The following CDH13 variants were observed in gnomAD, a reference collection of about 807,000 sequenced individuals.
The protein encoded by CDH13 is cadherin-13.
Under a neutral mutation model 63.8 loss-of-function variants are expected in CDH13, and 24 were observed. That is an observed-to-expected ratio of 0.38 (90% CI 0.27 to 0.53). The LOEUF (loss-of-function observed/expected upper bound fraction) is 0.53, where lower values mean the gene tolerates loss of function less well. Among genes scored for constraint, CDH13 ranks in the 20% least tolerant of loss-of-function variants. CDH13 has a pLI of 0.85. For synonymous variants in CDH13, 503 were observed against 355.3 expected (o/e 1.42, Z -4.67); for missense variants, 1,049 against 903.1 (o/e 1.16, Z -2.07).
chr16:82,804,553 C>G (rs542637916), intron 1 of CDH13, among the ~76,000 whole-genome samples: 28 of 152,248 alleles, frequency 1.8e-4, no homozygotes, highest in African/African-American at 6.7e-4. Context: ...GATCCTAGTT[C>G]TCTTGTGTGA....
At chr16:82,821,753 T>C (rs2038011076) in intron 1 of CDH13, among the ~76,000 whole-genome samples, 1 of 152,148 alleles carries the variant, frequency 6.6e-6, no homozygotes, top group African/African-American at 2.4e-5. Context: ...CATTGAGGGC[T>C]CCCCTAAAAA....
At chr16:82,638,817 A>AGTGTGTGTGTGTGTGTGTGT (rs779050661) in intron 1 of CDH13, among the ~76,000 whole-genome samples, 3 of 52,544 alleles carry the variant, frequency 5.7e-5, no homozygotes, top group Admixed American at 1.8e-4. Flanking sequence ...TTATTAGGGC[A>AGTGTGTGTGTGTGTGTGTGT]GTGTGTGCGT....
Position 82,964,570 on chromosome 16 carries a change from G to A in CDH13, c.158-67440G>A, listed in dbSNP as rs188606367. Among the ~76,000 whole-genome samples the A allele has an allele frequency of 1.1e-3, 163 of 152,264 alleles. 1 individual carries two copies. The highest frequency in any genetic ancestry group is 3.7e-3 in the African/African-American group (155 of 41,560). ...TTCCATCCGCCACGTGGATTTAAGT[G>A]GGTGAGCTTTATCAACATCATTCTC... On this transcript the variant is annotated intron_variant, in intron 2 of 13. Transcript: ENST00000567109.
At chr16:83,432,875 G>A (rs1167716936) in intron 6 of CDH13, among the ~76,000 whole-genome samples, 2 of 152,202 alleles carry the variant, frequency 1.3e-5, no homozygotes, top group Non-Finnish European at 2.9e-5. Flanking sequence ...AGTGTTCAAA[G>A]AAAACTTGCA....
intron 2 of CDH13, among the ~76,000 whole-genome samples, chr16:83,017,127 A>T (rs1332393091): frequency 6.6e-6 from 1 of 152,172 alleles, no homozygotes; most frequent in African/African-American, 2.4e-5. Flanking sequence ...TCTTGACTAC[A>T]TTTAGGTGTT....
chr16:83,716,722 T>G (rs1410927099), intron 10 of CDH13, among the ~76,000 whole-genome samples: 1 of 152,130 alleles, frequency 6.6e-6, no homozygotes, highest in African/African-American at 2.4e-5. Flanking sequence ...GACCTCATGA[T>G]CCGCCCTCCT....
intron 2 of CDH13, among the ~76,000 whole-genome samples, chr16:82,988,879 G>C (rs1911301699): frequency 6.6e-6 from 1 of 152,074 alleles, no homozygotes; most frequent in Non-Finnish European, 1.5e-5. Flanking sequence ...GAAAGGCAAA[G>C]ACAGAGAGGA....
chr16:82,720,585 G>C (rs1005252635), intron 1 of CDH13, among the ~76,000 whole-genome samples: 3 of 152,118 alleles, frequency 2.0e-5, no homozygotes, highest in Middle Eastern at 3.4e-3. Context: ...TTTGGGATGT[G>C]GGAGGAAACC....
intron 6 of CDH13, among the ~76,000 whole-genome samples, chr16:83,415,849 A>G (rs2092193075): frequency 6.6e-6 from 1 of 152,196 alleles, no homozygotes; most frequent in African/African-American, 2.4e-5. Flanking sequence ...GAAACAAGAT[A>G]GGGATACTCA....
chr16:82,884,245 C>A (rs1167997337), intron 2 of CDH13: 2 of 454,700 alleles, frequency 4.4e-6, no homozygotes, highest in African/African-American at 4.0e-5. Context: ...CCTGGGCTCC[C>A]ATGAGAAGGA....
At chr16:82,964,038 C>T (rs983414365) in intron 2 of CDH13, among the ~76,000 whole-genome samples, 1 of 152,132 alleles carries the variant, frequency 6.6e-6, no homozygotes, top group Non-Finnish European at 1.5e-5. Flanking sequence ...CCTCCCGAGT[C>T]GCTTTGTGTG....
chr16:83,240,966 C>G (rs903620370), intron 5 of CDH13, among the ~76,000 whole-genome samples: 2 of 152,048 alleles, frequency 1.3e-5, no homozygotes, highest in African/African-American at 4.8e-5. Flanking sequence ...AAACTTTATA[C>G]CCATTAAACA....
intron 1 of CDH13, chr16:82,825,328 G>T (rs887898817): frequency 6.6e-6 from 1 of 152,022 alleles, no homozygotes. Context: ...TTCACAACCC[G>T]AATTCACCAG....
At chr16:83,310,391 T>C (rs527488500) in intron 5 of CDH13, among the ~76,000 whole-genome samples, 28 of 152,358 alleles carry the variant, frequency 1.8e-4, no homozygotes, top group Admixed American at 1.8e-3. Context: ...CTGAAAATTC[T>C]GTGTGTGGGT....
intron 5 of CDH13, among the ~76,000 whole-genome samples, chr16:83,307,215 C>A (rs531369189): frequency 2.6e-5 from 4 of 152,250 alleles, no homozygotes; most frequent in South Asian, 2.1e-4. Context: ...CCAGCCCTGC[C>A]CTATTCCTCT....
intron 5 of CDH13, among the ~76,000 whole-genome samples, chr16:83,287,696 G>C (rs956854865): frequency 6.6e-6 from 1 of 151,092 alleles, no homozygotes; most frequent in Admixed American, 6.6e-5. Flanking sequence ...GTATTATAAT[G>C]TAATAATAAT....
At chr16:83,105,457 C>T (rs1047178202) in intron 3 of CDH13, among the ~76,000 whole-genome samples, 14 of 152,146 alleles carry the variant, frequency 9.2e-5, no homozygotes, top group South Asian at 2.1e-4. Context: ...TGAGGCAATT[C>T]GGCTGCCAGG....
At chr16:83,004,899 T>C (rs762486836) in intron 2 of CDH13, among the ~76,000 whole-genome samples, 51 of 152,206 alleles carry the variant, frequency 3.4e-4, no homozygotes, top group Non-Finnish European at 5.9e-4. Context: ...GAGATGGCAC[T>C]TGTCATCCCC....
intron 8 of CDH13, among the ~76,000 whole-genome samples, chr16:83,651,445 T>C (rs1912364601): frequency 6.6e-6 from 1 of 152,104 alleles, no homozygotes; most frequent in Non-Finnish European, 1.5e-5. Context: ...GGTATTATTA[T>C]TATTAATTAT....
Sources: gnomAD v4.1 joint callset for allele counts (sites outside exome capture counted in the v4.1 genomes callset) on GRCh38, gnomAD v4.1.1 for gene constraint, MANE v1.5 for transcripts, NCBI Gene and HGNC (gene_info 2026-07-23, HGNC 2026-07-21) for gene names.